The following HSDL2 variants were observed in gnomAD, a reference collection of about 807,000 sequenced individuals.
HSDL2 encodes the protein hydroxysteroid dehydrogenase-like protein 2.
In HSDL2, 27 loss-of-function variants were observed where a neutral mutation model predicts 46.3. That is an observed-to-expected ratio of 0.58 (90% confidence interval 0.43 to 0.80). HSDL2 has a LOEUF of 0.80. HSDL2 is among the 30% of genes least tolerant of loss of function. The pLI is 0.00. For missense variants in HSDL2, 451 were observed against 502.7 expected (o/e 0.90, Z 0.98); for synonymous variants, 153 against 163.6 (o/e 0.94, Z 0.50).
intron 4 of HSDL2, among the ~76,000 whole-genome samples, chr9:112,415,313 A>G (rs1400262509): frequency 6.6e-6 from 1 of 152,224 alleles, no homozygotes; most frequent in Non-Finnish European, 1.5e-5. Context: ...CATACATAAT[A>G]CTAACAACAG....
chr9:112,447,691 A>G (rs1056092472), intron 8 of HSDL2, among the ~76,000 whole-genome samples: 3 of 152,210 alleles, frequency 2.0e-5, no homozygotes, highest in Non-Finnish European at 4.4e-5. Context: ...TATGTTGGCT[A>G]TATAAAAAAT....
At chr9:112,432,942 AT>A (rs1029858730) in intron 6 of HSDL2, among the ~76,000 whole-genome samples, 60 of 145,200 alleles carry the variant, frequency 4.1e-4, no homozygotes, top group East Asian at 4.0e-4. Context: ...TAATTTTTGT[AT>A]TTTTTTTTTT....
At chr9:112,466,412 G>A (rs1158479013) in intron 10 of HSDL2, among the ~76,000 whole-genome samples, 1 of 152,008 alleles carries the variant, frequency 6.6e-6, no homozygotes, top group African/African-American at 2.4e-5. Flanking sequence ...AATTAGCTGG[G>A]CATGGTGGCA....
intron 4 of HSDL2, among the ~76,000 whole-genome samples, chr9:112,410,187 T>G (rs1266582072): frequency 6.6e-6 from 1 of 152,262 alleles, no homozygotes; most frequent in East Asian, 1.9e-4. Context: ...CTGTTCTGGA[T>G]TCATCAGACA....
intron 1 of HSDL2, among the ~76,000 whole-genome samples, chr9:112,390,141 C>T (rs900425878): frequency 2.7e-5 from 4 of 150,060 alleles, no homozygotes; most frequent in African/African-American, 7.3e-5. Flanking sequence ...ATTAAAGGTC[C>T]AAATATAGAC....
intron 1 of HSDL2, among the ~76,000 whole-genome samples, chr9:112,397,917 G>A (rs982463904): frequency 6.6e-6 from 1 of 152,146 alleles, no homozygotes; most frequent in Non-Finnish European, 1.5e-5. Context: ...TACCCCTTGA[G>A]CACTGGGAGA....
At chr9:112,382,231 C>T (rs972827940) in intron 1 of HSDL2, among the ~76,000 whole-genome samples, 1 of 152,148 alleles carries the variant, frequency 6.6e-6, no homozygotes, top group Admixed American at 6.5e-5. Context: ...CTGCCCTGCC[C>T]TCCACCCTGC....
At chr9:112,462,519 G>A (rs1833240725) in intron 10 of HSDL2, among the ~76,000 whole-genome samples, 5 of 151,362 alleles carry the variant, frequency 3.3e-5, no homozygotes, top group Admixed American at 1.3e-4. Flanking sequence ...TCTCCTTTTG[G>A]CCAATAGAGG....
chr9:112,381,088 TACACACACACAC>T (rs111459650), intron 1 of HSDL2, among the ~76,000 whole-genome samples: 1 of 134,154 alleles, frequency 7.5e-6, no homozygotes, highest in African/African-American at 2.9e-5. Flanking sequence ...TACATCCGGA[TACACACACACAC>T]ACACACACAC....
chr9:112,440,727 G>A (rs900068936), intron 7 of HSDL2, among the ~76,000 whole-genome samples: 1 of 152,100 alleles, frequency 6.6e-6, no homozygotes, highest in African/African-American at 2.4e-5. Flanking sequence ...AAAAATGAGT[G>A]TTCAGGCACG....
chr9:112,453,679 C>T (rs185789707), intron 8 of HSDL2, among the ~76,000 whole-genome samples: 2 of 152,258 alleles, frequency 1.3e-5, no homozygotes, highest in African/African-American at 4.8e-5. Flanking sequence ...ATGCATGAGC[C>T]GCCACGCCCA....
Position 112,438,775 on chromosome 9 carries a change from C to A in HSDL2, c.793+150C>A, listed in dbSNP as rs912841207. 36 of 512,870 alleles carry A rather than the reference C, an allele frequency of 7.0e-5. No individual in the cohort carries two copies. The African/African-American group carries it at 7.2e-4, about 10-fold the overall frequency. The allele number at this position is 512,870 out of a possible 1,614,324, so 31.8% of individuals were successfully genotyped here. On this transcript the variant is annotated intron_variant, in intron 7 of 10. Coordinates refer to ENST00000398805, the MANE Select transcript of HSDL2 (RefSeq NM_032303.5). ...CCCAATGAAGGAAGAAAACCCATAC[C>A]AACACAACTTAAAAAAAAAGATGAA...
chr9:112,445,614 G>A (rs4979116), intron 8 of HSDL2, among the ~76,000 whole-genome samples: 5 of 152,204 alleles, frequency 3.3e-5, no homozygotes, highest in Admixed American at 6.5e-5. Context: ...AACCTCCACC[G>A]CCCAGGTTAA....
intron 8 of HSDL2, among the ~76,000 whole-genome samples, chr9:112,448,343 T>G (rs1832794536): frequency 6.6e-6 from 1 of 152,190 alleles, no homozygotes; most frequent in South Asian, 2.1e-4. Context: ...TTCTTAATTT[T>G]AATGAGAAAA....
At position 112,396,622 on chromosome 9, in the gene HSDL2, A is replaced by G. The variant is rs534191626; in HGVS notation, c.18-7373A>G. Among the ~76,000 whole-genome samples the G allele has an allele frequency of 6.6e-5, 10 of 152,296 alleles. No homozygotes were observed. The South Asian group carries it at 2.1e-3, about 32-fold the overall frequency. On this transcript the variant is annotated intron_variant, in intron 1 of 10. Coordinates refer to ENST00000398805, the MANE Select transcript of HSDL2 (RefSeq NM_032303.5). ...TTAGAGGAATCAAAATGAGACCAGT[A>G]TGAACCGTGATTCCTTTAGTAGTAG...
chr9:112,415,371 T>C (rs1831968495), intron 4 of HSDL2, among the ~76,000 whole-genome samples: 2 of 152,232 alleles, frequency 1.3e-5, no homozygotes, highest in Admixed American at 1.3e-4. Flanking sequence ...AAGTATCTCA[T>C]ATATATCATC....
intron 4 of HSDL2, among the ~76,000 whole-genome samples, chr9:112,412,863 G>C (rs1227459773): frequency 6.6e-6 from 1 of 151,892 alleles, no homozygotes; most frequent in Non-Finnish European, 1.5e-5. Flanking sequence ...CAGCACTTTG[G>C]GAGGCCGAGG....
intron 7 of HSDL2, among the ~76,000 whole-genome samples, chr9:112,439,065 A>G (rs1025439234): frequency 6.6e-6 from 1 of 152,118 alleles, no homozygotes; most frequent in Non-Finnish European, 1.5e-5. Flanking sequence ...TAGTGGCGCA[A>G]TCTCAGCTCA....
chr9:112,442,562 GA>G (rs1434742878), intron 8 of HSDL2, among the ~76,000 whole-genome samples: 2 of 152,096 alleles, frequency 1.3e-5, no homozygotes, highest in Non-Finnish European at 2.9e-5. Context: ...TAGTGCCCTT[GA>G]ATTGGTCCAG....
Sources: gnomAD v4.1 joint callset for allele counts (sites outside exome capture counted in the v4.1 genomes callset) on GRCh38, gnomAD v4.1.1 for gene constraint, MANE v1.5 for transcripts, NCBI Gene and HGNC (gene_info 2026-07-23, HGNC 2026-07-21) for gene names.